ARAP1: variants seen among roughly 807,000 people sequenced by gnomAD.
ARAP1 encodes ArfGAP with RhoGAP domain, ankyrin repeat and PH domain 1.
Under a neutral mutation model 172.2 loss-of-function variants are expected in ARAP1, and 76 were observed. The ratio of observed to expected loss-of-function variants is 0.44; its 90% CI spans 0.37 to 0.53. The LOEUF (loss-of-function observed/expected upper bound fraction) is 0.53. ARAP1 is among the 20% of genes least tolerant of loss of function. The probability of loss-of-function intolerance (pLI) is 0.00; values close to 1 mark genes in which losing one functional copy is unlikely to be tolerated. For missense variants in ARAP1, 1,686 were observed against 1,977.5 expected, an observed-to-expected ratio of 0.85 and a Z score of 2.80; for synonymous variants, 804 against 803.3, an observed-to-expected ratio of 1.00 and a Z score of -0.01.
chr11:72,736,381 C>T (rs1345746486), intron 1 of ARAP1, among the ~76,000 whole-genome samples: 2 of 151,768 alleles, frequency 1.3e-5, no homozygotes, highest in Non-Finnish European at 2.9e-5. Context: ...TAGCGGGGAC[C>T]ACAGGATCTC....
At position 72,699,152 on chromosome 11, in the gene ARAP1, G is replaced by A. The variant is rs368946532; in HGVS notation, c.2439-45C>T. The A allele has an allele frequency of 6.3e-5, 100 of 1,597,044 alleles. No homozygotes were observed. Among genetic ancestry groups the A allele is most frequent in the Non-Finnish European group, 7.9e-5 (92 of 1,166,084 alleles). ...GACTCAGGCCCACCTCATCCAGCAC[G>A]GGCCCACCCCCAACCCGCACCATCA... On this transcript the variant is annotated intron_variant, in intron 17 of 34. Transcript: ENST00000393609. This position sits in a 1 kb window ranked among gnomAD's most constrained non-coding sequence, Gnocchi z 4.2.
intron 3 of ARAP1, among the ~76,000 whole-genome samples, chr11:72,716,817 G>A (rs989223005): frequency 5.3e-5 from 8 of 152,180 alleles, no homozygotes; most frequent in Non-Finnish European, 2.9e-5. Flanking sequence ...CATGGCAGAC[G>A]AAGGCCTGCC....
At chr11:72,703,273 G>A (rs1243780428) in intron 14 of ARAP1, 194 bp from the exon 15 acceptor site, 4 of 605,928 alleles carry the variant, frequency 6.6e-6, no homozygotes, top group South Asian at 2.6e-5. Flanking sequence ...GAGGAGGGGT[G>A]AGCAGGGGCT....
intron 14 of ARAP1, chr11:72,703,465 G>C (rs927811050): frequency 5.2e-5 from 9 of 173,144 alleles, no homozygotes; most frequent in African/African-American, 2.0e-4. Flanking sequence ...CTCACCGCCT[G>C]CCCAGCCCTC....
chr11:72,697,562 G>C (rs1219155507), intron 20 of ARAP1, 36 bp downstream of exon 20: 37 of 1,613,624 alleles, frequency 2.3e-5, no homozygotes, highest in Non-Finnish European at 3.1e-5. Flanking sequence ...GACTGCTCCA[G>C]CCTTCTCAGA....
chr11:72,717,507 C>A (rs1211808727), intron 3 of ARAP1, among the ~76,000 whole-genome samples: 2 of 152,188 alleles, frequency 1.3e-5, no homozygotes, highest in Non-Finnish European at 2.9e-5. Flanking sequence ...AGCATCAGCC[C>A]CCCTCCTCTG....
intron 15 of ARAP1, among the ~76,000 whole-genome samples, chr11:72,702,247 G>T (rs1291376310): frequency 6.6e-6 from 1 of 152,206 alleles, no homozygotes; most frequent in Non-Finnish European, 1.5e-5. Flanking sequence ...CCAGTTGGGT[G>T]GTCTCCTGTG....
Position 72,725,146 on chromosome 11 carries a change from A to G in ARAP1, c.509+1474T>C, listed in dbSNP as rs1403805885. On this transcript the variant is annotated intron_variant, in intron 3 of 34. Transcript: ENST00000393609. The surrounding 1 kb of genome is among the most constrained non-coding windows in gnomAD (Gnocchi z 4.3). Reference sequence around the variant, plus strand: ...CAGGCATCCTGCCTCCCAAGCAGGAACCCAGGCCTCCACTGCCCGTCCGGG... The same window carrying G: ...CAGGCATCCTGCCTCCCAAGCAGGAGCCCAGGCCTCCACTGCCCGTCCGGG... 6.6e-6 allele frequency among the ~76,000 whole-genome samples: 1 copy of G among 152,114 alleles called. No homozygotes were observed. Among genetic ancestry groups the G allele is most frequent in the Non-Finnish European group, 1.5e-5 (1 of 68,020 alleles).
chr11:72,735,847 A>G (rs1475948529), intron 1 of ARAP1, among the ~76,000 whole-genome samples: 13 of 152,194 alleles, frequency 8.5e-5, no homozygotes, highest in Non-Finnish European at 1.5e-5. Flanking sequence ...TCTTTGGAAC[A>G]GCCATGTTCA....
chr11:72,712,411 T>C (rs1016493143), intron 6 of ARAP1, 27 bp downstream of exon 6: 11 of 1,552,076 alleles, frequency 7.1e-6, no homozygotes, highest in Middle Eastern at 1.7e-4. Context: ...TTGGGCTCAG[T>C]GGGAAGGAGG....
chr11:72,733,433 C>T (rs934476396), intron 1 of ARAP1, among the ~76,000 whole-genome samples: 5 of 152,172 alleles, frequency 3.3e-5, no homozygotes, highest in African/African-American at 1.2e-4. Context: ...GTAACTGAGT[C>T]AGGGGCATGA....
rs759390723 is a variant in ARAP1, at chr11:72,685,675, G to C, written c.4342C>G (p.Arg1448Gly). 1.2e-6 allele frequency: 2 copies of C among 1,614,044 alleles called. No individual in the cohort carries two copies. Among genetic ancestry groups the C allele is most frequent in the South Asian group, 2.2e-5 (2 of 91,082 alleles). ...ATGGGCTCCTGTGCTCAGACGTTGC[G>C]CAGAAGCTGCAGGAAGGCAAGAGAC... ...AFTADPLSLL[R>G]NV The change falls in exon 35 of 35, where the codon CGC becomes GGC. Residue 1448 changes from arginine to glycine, a missense_variant. Transcript: ENST00000393609.
intron 31 of ARAP1, 129 bp from the exon 32 acceptor site, chr11:72,687,867 T>C (rs1855757617): frequency 9.4e-7 from 1 of 1,066,032 alleles, no homozygotes; most frequent in Non-Finnish European, 1.4e-6. Context: ...CTCACAAGAG[T>C]GGCACATCCT....
intron 1 of ARAP1, among the ~76,000 whole-genome samples, chr11:72,734,905 A>G (rs1040814519): frequency 1.3e-5 from 2 of 151,958 alleles, no homozygotes; most frequent in African/African-American, 4.8e-5. Flanking sequence ...ATGATGAAAT[A>G]TATTATTAAC....
intron 3 of ARAP1, among the ~76,000 whole-genome samples, chr11:72,720,012 A>G (rs537120714): frequency 1.3e-5 from 2 of 152,110 alleles, no homozygotes; most frequent in South Asian, 2.1e-4. Context: ...TGATCACTCA[A>G]TATGGTCATA....
At chr11:72,721,332 C>T (rs756400149) in intron 3 of ARAP1, among the ~76,000 whole-genome samples, 1 of 152,212 alleles carries the variant, frequency 6.6e-6, no homozygotes, top group Non-Finnish European at 1.5e-5. Context: ...GAGGGGTAAG[C>T]AGCACACCAT....
At chr11:72,712,903 G>A (rs1012963707) in intron 5 of ARAP1, 8 of 597,080 alleles carry the variant, frequency 1.3e-5, no homozygotes, top group East Asian at 2.8e-5. Context: ...GACAGGACAC[G>A]AGTTCCTAAC....
chr11:72,730,441 G>A (rs1438527162), intron 2 of ARAP1, among the ~76,000 whole-genome samples: 1 of 152,174 alleles, frequency 6.6e-6, no homozygotes, highest in Non-Finnish European at 1.5e-5. Flanking sequence ...GCAGATGTCT[G>A]GGCTGGGCGC....
At position 72,725,570 on chromosome 11, in the gene ARAP1, G is replaced by A. The variant is rs565624620; in HGVS notation, c.509+1050C>T. ...ACTAGCTTGGTCTTCAAGGCCCCCT[G>A]ACTTAATGCTCCTCCCTGGGTGGAA... On this transcript the variant is annotated intron_variant, in intron 3 of 34. Coordinates refer to ENST00000393609, the MANE Select transcript of ARAP1 (RefSeq NM_001040118.3). This position sits in a 1 kb window ranked among gnomAD's most constrained non-coding sequence, Gnocchi z 4.3. 2.0e-5 allele frequency among the ~76,000 whole-genome samples: 3 copies of A among 151,960 alleles called. No homozygotes were observed. Among genetic ancestry groups the A allele is most frequent in the Admixed American group, 6.5e-5 (1 of 15,268 alleles).
Sources: gnomAD v4.1 joint callset for allele counts (sites outside exome capture counted in the v4.1 genomes callset) on GRCh38, gnomAD v4.1.1 for gene constraint, Gnocchi (gnomAD v3.1) non-coding constraint, MANE v1.5 for transcripts, NCBI Gene and HGNC (gene_info 2026-07-23, HGNC 2026-07-21) for gene names.